Variants in EBF1 observed in about 807,000 individuals in gnomAD.
The protein encoded by EBF1 is EBF transcription factor 1.
Under a neutral mutation model 68.4 loss-of-function variants are expected in EBF1, and 10 were observed. That is an observed-to-expected ratio of 0.15 (90% CI 0.09 to 0.25). EBF1 has a LOEUF of 0.25. Ranked by LOEUF, EBF1 falls within the 10% of genes least tolerant of loss-of-function variation. EBF1 has a pLI of 1.00. For missense variants in EBF1, 509 were observed against 794.4 expected (o/e 0.64, Z 4.32); for synonymous variants, 298 against 299.8 (o/e 0.99, Z 0.06).
At chr5:158,821,376 T>C (rs1784789994) in intron 8 of EBF1, among the ~76,000 whole-genome samples, 1 of 152,236 alleles carries the variant, frequency 6.6e-6, no homozygotes, top group African/African-American at 2.4e-5. Flanking sequence ...CTATATTCTA[T>C]GTTTGCTTTT....
At chr5:159,034,154 T>G (rs11954047) in intron 6 of EBF1, among the ~76,000 whole-genome samples, 1,624 of 152,300 alleles carry the variant, frequency 0.011, 27 homozygotes, top group African/African-American at 0.037. Context: ...TTGGGCTTAT[T>G]TTGGGGAGCA....
chr5:158,962,736 G>A (rs138803493), intron 6 of EBF1, among the ~76,000 whole-genome samples: 1 of 152,308 alleles, frequency 6.6e-6, no homozygotes, highest in African/African-American at 2.4e-5. Context: ...CTGAGAGCAA[G>A]GTATAAATCT....
At chr5:158,801,659 G>A (rs1780601190) in intron 8 of EBF1, among the ~76,000 whole-genome samples, 2 of 149,562 alleles carry the variant, frequency 1.3e-5, no homozygotes, top group South Asian at 2.1e-4. Context: ...GAAAAGAGAG[G>A]GAAGAATTAA....
At chr5:158,996,854 T>C (rs910098864) in intron 6 of EBF1, among the ~76,000 whole-genome samples, 4 of 152,220 alleles carry the variant, frequency 2.6e-5, no homozygotes, top group African/African-American at 4.8e-5. Context: ...TTATACCTCC[T>C]GTCTTGACAA....
chr5:158,826,559 T>C (rs1052864171), intron 7 of EBF1, among the ~76,000 whole-genome samples: 5 of 152,196 alleles, frequency 3.3e-5, no homozygotes, highest in African/African-American at 9.6e-5. Flanking sequence ...CTGAAATAAA[T>C]ATCAGCCTAT....
intron 6 of EBF1, among the ~76,000 whole-genome samples, chr5:158,909,986 A>AAAAAAAC (rs1805588700): frequency 6.8e-6 from 1 of 148,010 alleles, no homozygotes; most frequent in African/African-American, 2.5e-5. Flanking sequence ...AAAAAAAAAA[A>AAAAAAAC]TGCAGGGGAA....
rs544711364 is a variant in EBF1 at position 158,977,671 on chromosome 5, C to T, written c.554+95725G>A. Reference sequence around the variant, plus strand: ...CAATTAAACTTATCTGTGTCATGTGCGTTTCCACAGCAAGATATGAAAGGG... The same window carrying T: ...CAATTAAACTTATCTGTGTCATGTGTGTTTCCACAGCAAGATATGAAAGGG... On this transcript the variant is annotated intron_variant, in intron 6 of 15. Transcript: ENST00000313708. Among the ~76,000 whole-genome samples the T allele has an allele frequency of 3.9e-5, 6 of 152,298 alleles. No homozygotes were observed. The South Asian group carries it at 1.0e-3, about 26-fold the overall frequency.
In EBF1 at chr5:158,773,816, C is replaced by A. The variant is rs1171600517; in HGVS notation, c.1036+3597G>T. ...GATCACGATTCGAAAAGATCCAAGC[C>A]ACTTAAAGATGTAACACCTGCAAGA... On this transcript the variant is annotated intron_variant, in intron 10 of 15. Transcript: ENST00000313708. Among the ~76,000 whole-genome samples, 4 of 151,996 alleles carry A rather than the reference C, an allele frequency of 2.6e-5. 1 individual carries two copies. The East Asian group carries it at 7.7e-4, about 29-fold the overall frequency.
At chr5:158,801,142 A>T (rs1004266083) in intron 8 of EBF1, among the ~76,000 whole-genome samples, 3 of 152,024 alleles carry the variant, frequency 2.0e-5, no homozygotes, top group African/African-American at 7.2e-5. Context: ...AAACTATGAC[A>T]ATAACATGAT....
In EBF1 at chr5:158,697,104, A is replaced by C. The variant is rs1755894203; in HGVS notation, c.*2007T>G. On this transcript the variant is annotated 3_prime_UTR_variant, in exon 16 of 16. Transcript: ENST00000313708. ...AAAGTATGTTCATTGATTTCTATGA[A>C]GTTTCTCCCTAGAATTTAATGCACA... 4 of 190,850 alleles carry C rather than the reference A, an allele frequency of 2.1e-5. No individual in the cohort carries two copies. In the South Asian group the frequency reaches 7.8e-4, roughly 37 times the overall value. The allele number at this position is 190,850 out of a possible 1,614,324, so 11.8% of individuals were successfully genotyped here.
chr5:158,928,941 A>G (rs113255182), intron 6 of EBF1, among the ~76,000 whole-genome samples: 4,443 of 152,254 alleles, frequency 0.029, 106 homozygotes, highest in Non-Finnish European at 0.05. Context: ...ATGACAGCTC[A>G]CCCTTACTTT....
Position 158,728,159 on chromosome 5 carries a change from C to T in EBF1, c.1125+2910G>A, listed in dbSNP as rs1050032206. Among the ~76,000 whole-genome samples the T allele has an allele frequency of 1.4e-4, 21 of 152,320 alleles. No homozygotes were observed. In the East Asian group the frequency reaches 3.5e-3, roughly 25 times the overall value. On this transcript the variant is annotated intron_variant, in intron 11 of 15. Transcript: ENST00000313708. ...GCTGGCTCCATCCGCCACTTCCTGA[C>T]CCTGCCCTTGAACTCTCGCTCCACT...
chr5:158,965,948 AT>A (rs1426301939), intron 6 of EBF1, among the ~76,000 whole-genome samples: 16 of 152,310 alleles, frequency 1.1e-4, no homozygotes, highest in Non-Finnish European at 5.9e-5. Context: ...CTACATCCTA[AT>A]GGTGCTGCAA....
intron 11 of EBF1, among the ~76,000 whole-genome samples, chr5:158,726,066 A>G (rs1051929010): frequency 3.3e-5 from 5 of 152,146 alleles, no homozygotes; most frequent in African/African-American, 1.2e-4. Flanking sequence ...TTTTAAAAAC[A>G]CTCGCATCTT....
intron 7 of EBF1, among the ~76,000 whole-genome samples, chr5:158,834,931 C>T (rs139456137): frequency 5.1e-4 from 77 of 152,316 alleles, no homozygotes; most frequent in African/African-American, 1.8e-3. Context: ...TCAGATGTGC[C>T]AGGACTCAGG....
chr5:158,898,819 C>T (rs1005847768), intron 6 of EBF1, among the ~76,000 whole-genome samples: 19 of 152,186 alleles, frequency 1.2e-4, no homozygotes, highest in Admixed American at 2.0e-4. Context: ...GAAGGATCCA[C>T]GTTACAGGGC....
At chr5:159,003,692 A>G (rs75494227) in intron 6 of EBF1, among the ~76,000 whole-genome samples, 7,691 of 152,302 alleles carry the variant, frequency 0.05, 275 homozygotes, top group Non-Finnish European at 0.072. Context: ...GCTTACATTC[A>G]TTGAGGACTG....
At chr5:158,715,856 C>CA in intron 11 of EBF1, among the ~76,000 whole-genome samples, 1 of 152,080 alleles carries the variant, frequency 6.6e-6, no homozygotes, top group African/African-American at 2.4e-5. Context: ...AAGATGAAAA[C>CA]AAAAAACAGG....
chr5:159,059,668 A>C (rs1775432580), intron 6 of EBF1, among the ~76,000 whole-genome samples: 1 of 152,242 alleles, frequency 6.6e-6, no homozygotes, highest in South Asian at 2.1e-4. Context: ...TTTAAAAGGC[A>C]GTTTATACAA....
Sources: gnomAD v4.1 joint callset for allele counts (sites outside exome capture counted in the v4.1 genomes callset) on GRCh38, gnomAD v4.1.1 for gene constraint, MANE v1.5 for transcripts, NCBI Gene and HGNC (gene_info 2026-07-23, HGNC 2026-07-21) for gene names.